The following ZEB1 variants were observed in gnomAD, a reference collection of about 807,000 sequenced individuals.
ZEB1 encodes the protein zinc finger E-box-binding homeobox 1.
In ZEB1, 21 loss-of-function variants were observed where a neutral mutation model predicts 84.9. The observed-to-expected ratio is 0.25, with a 90% CI of 0.18 to 0.36. ZEB1 has a LOEUF of 0.36. Among genes scored for constraint, ZEB1 ranks in the 10% least tolerant of loss-of-function variants. The probability of loss-of-function intolerance (pLI) is 1.00; values close to 1 mark genes in which losing one functional copy is unlikely to be tolerated. For synonymous variants in ZEB1, 420 were observed against 471.1 expected (o/e 0.89, Z 1.41); for missense variants, 1,104 against 1,330.2 (o/e 0.83, Z 2.65).
intron 1 of ZEB1, among the ~76,000 whole-genome samples, chr10:31,446,466 G>T (rs1042150343): frequency 6.6e-6 from 1 of 150,470 alleles, no homozygotes; most frequent in South Asian, 2.1e-4. Context: ...TTTTGAATGT[G>T]TTTGCTCTTG....
intron 4 of ZEB1, among the ~76,000 whole-genome samples, chr10:31,502,713 G>A (rs1482331796): frequency 6.6e-6 from 1 of 152,118 alleles, no homozygotes; most frequent in Non-Finnish European, 1.5e-5. Context: ...CATGTATTGT[G>A]GTAGTAATGC....
At chr10:31,426,360 T>C (rs568093860) in intron 1 of ZEB1, among the ~76,000 whole-genome samples, 4 of 152,144 alleles carry the variant, frequency 2.6e-5, no homozygotes, top group Admixed American at 6.5e-5. Flanking sequence ...AGTTAAGAGA[T>C]ACTTGGGGAA....
chr10:31,403,217 A>G (rs1010059388), intron 1 of ZEB1, among the ~76,000 whole-genome samples: 3 of 152,106 alleles, frequency 2.0e-5, no homozygotes, highest in Non-Finnish European at 2.9e-5. Flanking sequence ...AAATAGTAAT[A>G]CTAAGTTTCA....
chr10:31,508,869 G>A (rs1240878188), intron 4 of ZEB1, among the ~76,000 whole-genome samples: 2 of 152,162 alleles, frequency 1.3e-5, no homozygotes, highest in Non-Finnish European at 2.9e-5. Flanking sequence ...CTGTCCTCAG[G>A]TCCCTTATAA....
Position 31,442,350 on chromosome 10 carries a change from T to C in ZEB1, c.59-18687T>C, listed in dbSNP as rs57522850. 6.2e-3 allele frequency among the ~76,000 whole-genome samples: 947 copies of C among 151,994 alleles called. 7 individuals carry two copies. The highest frequency in any genetic ancestry group is 0.022 in the African/African-American group (905 of 41,426). On this transcript the variant is annotated intron_variant, in intron 1 of 8. Coordinates refer to ENST00000424869, the MANE Select transcript of ZEB1 (RefSeq NM_001174096.2). Reference sequence around the variant, plus strand: ...GTACGTTCTCACTCTTAGGTGGGAATTGAACAATGAGAACACTTGGACACA... The same window carrying C: ...GTACGTTCTCACTCTTAGGTGGGAACTGAACAATGAGAACACTTGGACACA...
chr10:31,523,806 G>A, intron 7 of ZEB1, 127 bp from the exon 8 acceptor site: 2 of 1,085,214 alleles, frequency 1.8e-6, no homozygotes, highest in Non-Finnish European at 2.7e-6. Flanking sequence ...CAGTGTGCTT[G>A]CTTTGGTCAA....
At chr10:31,412,397 T>C (rs2054469556) in intron 1 of ZEB1, among the ~76,000 whole-genome samples, 1 of 152,200 alleles carries the variant, frequency 6.6e-6, no homozygotes, top group Admixed American at 6.5e-5. Flanking sequence ...CTCCTGATGC[T>C]ATCCCTCCCC....
At chr10:31,335,789 A>G (rs2037890896) in intron 1 of ZEB1, among the ~76,000 whole-genome samples, 1 of 152,162 alleles carries the variant, frequency 6.6e-6, no homozygotes. Context: ...AAACAAACAA[A>G]GATACAATGA....
At chr10:31,402,643 T>G (rs925362311) in intron 1 of ZEB1, among the ~76,000 whole-genome samples, 1 of 150,244 alleles carries the variant, frequency 6.7e-6, no homozygotes, top group Non-Finnish European at 1.5e-5. Flanking sequence ...TGCTGTGTGT[T>G]TTTTTTTTAT....
intron 2 of ZEB1, among the ~76,000 whole-genome samples, chr10:31,483,150 A>G (rs1472608852): frequency 6.6e-6 from 1 of 152,048 alleles, no homozygotes; most frequent in Admixed American, 6.6e-5. Context: ...GGCTGGACAC[A>G]ATAAATTAAC....
intron 1 of ZEB1, among the ~76,000 whole-genome samples, chr10:31,454,596 A>G (rs1450276711): frequency 6.6e-6 from 1 of 152,214 alleles, no homozygotes; most frequent in East Asian, 1.9e-4. Context: ...TCAATGTGCA[A>G]AAATCACAAG....
At chr10:31,403,221 A>G (rs1216334234) in intron 1 of ZEB1, among the ~76,000 whole-genome samples, 1 of 152,090 alleles carries the variant, frequency 6.6e-6, no homozygotes, top group African/African-American at 2.4e-5. Context: ...AGTAATACTA[A>G]GTTTCAGAAT....
chr10:31,319,869 C>T (rs2033306366), intron 1 of ZEB1: 1 of 146,790 alleles, frequency 6.8e-6, no homozygotes. Context: ...CGACTCGGGC[C>T]GGGCTGTGGG....
At position 31,521,290 on chromosome 10, in the gene ZEB1, T is replaced by C; in HGVS notation, c.1958T>C (p.Val653Ala). The C allele has an allele frequency of 1.2e-6, 2 of 1,613,996 alleles. No individual in the cohort carries two copies. The highest frequency in any genetic ancestry group is 1.7e-6 in the Non-Finnish European group (2 of 1,179,992). The change falls in exon 7 of 9, where the codon GTA becomes GCA. Residue 653 changes from valine (V) to alanine (A), a missense_variant. Physicochemically the swap from Val to Ala is moderately conservative, Grantham distance 64. Transcript: ENST00000424869. ...CCATCTTCTCCTGAACCAGGCAAAG[T>C]AAATATCCCTGCCAAGAACAATGAT... ...SEPSSPEPGK[V>A]NIPAKNNDQP...
chr10:31,522,993 T>A (rs1388965516), intron 7 of ZEB1, among the ~76,000 whole-genome samples: 1 of 152,234 alleles, frequency 6.6e-6, no homozygotes, highest in Non-Finnish European at 1.5e-5. Context: ...GACTCACGTG[T>A]CACGTGACTA....
intron 7 of ZEB1, 39 bp from the exon 8 acceptor site, chr10:31,523,894 A>G (rs963824350): frequency 6.3e-7 from 1 of 1,598,298 alleles, no homozygotes; most frequent in Non-Finnish European, 8.6e-7. Context: ...TTTATCTTTT[A>G]ATGTTAAATT....
chr10:31,369,611 A>C (rs1031281244), intron 1 of ZEB1, among the ~76,000 whole-genome samples: 3 of 152,216 alleles, frequency 2.0e-5, no homozygotes, highest in African/African-American at 7.2e-5. Flanking sequence ...ATTGATAGAC[A>C]CTTAGGTGTT....
At chr10:31,331,399 T>G (rs2036762261) in intron 1 of ZEB1, among the ~76,000 whole-genome samples, 1 of 152,130 alleles carries the variant, frequency 6.6e-6, no homozygotes, top group Non-Finnish European at 1.5e-5. Flanking sequence ...AGTGTTAAAT[T>G]CTAATATTGA....
chr10:31,358,817 AG>A (rs1167814650), intron 1 of ZEB1, among the ~76,000 whole-genome samples: 2 of 152,224 alleles, frequency 1.3e-5, no homozygotes, highest in African/African-American at 4.8e-5. Flanking sequence ...TTCAGTTGCT[AG>A]ATTTCTGAAT....
Sources: gnomAD v4.1 joint callset for allele counts (sites outside exome capture counted in the v4.1 genomes callset) on GRCh38, gnomAD v4.1.1 for gene constraint, MANE v1.5 for transcripts, NCBI Gene and HGNC (gene_info 2026-07-23, HGNC 2026-07-21) for gene names.